BAIAP2: variants seen among roughly 807,000 people sequenced by gnomAD.
BAIAP2 encodes BAR/IMD domain containing adaptor protein 2, also known as BAR/IMD domain-containing adapter protein 2.
A neutral mutation model predicts 63.0 loss-of-function variants in BAIAP2; 18 were observed. That is an observed-to-expected ratio of 0.29 (90% CI 0.20 to 0.42). BAIAP2 has a LOEUF of 0.42. Among genes scored for constraint, BAIAP2 ranks in the 10% least tolerant of loss-of-function variants. BAIAP2 has a pLI of 1.00. For synonymous variants in BAIAP2, 386 were observed against 307.6 expected, an observed-to-expected ratio of 1.25 and a Z score of -2.67; for missense variants, 610 against 734.3, an observed-to-expected ratio of 0.83 and a Z score of 1.96.
chr17:81,116,219 T>G lies in BAIAP2; in HGVS notation c.*380T>G. On this transcript the variant is annotated 3_prime_UTR_variant, in exon 14 of 14. Transcript: ENST00000428708. ...TTCTCCTGCCTAATAAACAGGCTTC[T>G]CCTGCACCAGGTGTGATCTGTCCGC... 6.2e-7 allele frequency: 1 copy of G among 1,612,136 alleles called. No homozygotes were observed. The highest frequency in any genetic ancestry group is 1.3e-5 in the African/African-American group (1 of 75,034).
At chr17:81,111,749 C>T (rs933570028) in intron 13 of BAIAP2, among the ~76,000 whole-genome samples, 1 of 152,238 alleles carries the variant, frequency 6.6e-6, no homozygotes, top group East Asian at 1.9e-4. Context: ...AGGAGCAGGC[C>T]CTCTGCCCTC....
chr17:81,064,022 C>T (rs2051039955), intron 3 of BAIAP2, among the ~76,000 whole-genome samples: 1 of 152,226 alleles, frequency 6.6e-6, no homozygotes, highest in African/African-American at 2.4e-5. Flanking sequence ...CCCGGCCGAG[C>T]AGGGCCCCAG....
chr17:81,115,484 CGCCCT>C (rs769859338), intron 13 of BAIAP2, among the ~76,000 whole-genome samples: 20 of 145,846 alleles, frequency 1.4e-4, no homozygotes, highest in East Asian at 5.8e-4. Flanking sequence ...CGCCCCACCC[CGCCCT>C]GCCCTGCCCA....
At chr17:81,098,236 G>T in intron 6 of BAIAP2, 1 of 1,283,954 alleles carries the variant, frequency 7.8e-7, no homozygotes, top group South Asian at 2.4e-5. Flanking sequence ...GGCAGGCTGG[G>T]AGGCGCCTCT....
intron 13 of BAIAP2, chr17:81,110,652 C>T (rs1005080792): frequency 1.5e-6 from 2 of 1,350,526 alleles, no homozygotes; most frequent in African/African-American, 2.9e-5. Context: ...CGGTGCTGGC[C>T]CCAGTGACAG....
intron 3 of BAIAP2, among the ~76,000 whole-genome samples, chr17:81,069,783 C>T (rs562942098): frequency 1.1e-4 from 16 of 152,310 alleles, no homozygotes; most frequent in South Asian, 1.0e-3. Context: ...CAGCCTTCCT[C>T]GGTGGACACC....
Position 81,110,803 on chromosome 17 carries a change from T to C in BAIAP2, c.1535+2294T>C, listed in dbSNP as rs547139302. The C allele has an allele frequency of 1.1e-3, 1,547 of 1,409,734 alleles. 2 individuals carry two copies. Among genetic ancestry groups the C allele is most frequent in the Non-Finnish European group, 1.5e-3 (1,485 of 998,240 alleles). The allele number at this position is 1,409,734 out of a possible 1,614,324, so 87.3% of individuals were successfully genotyped here. On this transcript the variant is annotated intron_variant, in intron 13 of 13. Transcript: ENST00000428708. ...GCCCCAGCTGTGTGCCGACTCCGAG[T>C]GCTCCAGGGTTCTAGGTCTCCTGGC...
At chr17:81,087,149 G>C (rs571409931) in intron 6 of BAIAP2, 2 of 153,354 alleles carry the variant, frequency 1.3e-5, no homozygotes, top group Admixed American at 6.5e-5. Context: ...TCGCCCACTT[G>C]CTGGGGTCAT....
chr17:81,073,986 A>G (rs1352855540), intron 3 of BAIAP2, among the ~76,000 whole-genome samples: 1 of 152,214 alleles, frequency 6.6e-6, no homozygotes, highest in Non-Finnish European at 1.5e-5. Context: ...TTTTCCTAAA[A>G]TGAGAGAGAC....
At chr17:81,092,537 G>A (rs895311595) in intron 6 of BAIAP2, among the ~76,000 whole-genome samples, 2 of 151,922 alleles carry the variant, frequency 1.3e-5, no homozygotes, top group Non-Finnish European at 2.9e-5. Context: ...GGGGCCTCCT[G>A]TTGTTCAAGA....
chr17:81,098,442 T>C (rs551917154), intron 6 of BAIAP2, among the ~76,000 whole-genome samples: 2 of 151,898 alleles, frequency 1.3e-5, no homozygotes, highest in African/African-American at 4.8e-5. Flanking sequence ...TAAATTGTGA[T>C]AAAATACACG....
At chr17:81,112,556 G>A (rs559114587) in intron 13 of BAIAP2, among the ~76,000 whole-genome samples, 2 of 152,238 alleles carry the variant, frequency 1.3e-5, no homozygotes, top group Non-Finnish European at 1.5e-5. Flanking sequence ...ACTCGTCAGC[G>A]GAGGCCCAAG....
intron 7 of BAIAP2, 88 bp from the exon 8 acceptor site, chr17:81,103,414 A>T (rs2058748154): frequency 7.3e-6 from 9 of 1,227,820 alleles, no homozygotes; most frequent in East Asian, 2.6e-5. Context: ...AGCCCCAGAG[A>T]GTGCTCAGGG....
intron 1 of BAIAP2, among the ~76,000 whole-genome samples, chr17:81,038,055 G>A (rs964495271): frequency 2.0e-5 from 3 of 152,218 alleles, no homozygotes; most frequent in African/African-American, 4.8e-5. Flanking sequence ...GGGGCACTGC[G>A]TGGGCTGGGC....
At chr17:81,038,231 C>T (rs186500874) in intron 1 of BAIAP2, among the ~76,000 whole-genome samples, 5 of 152,366 alleles carry the variant, frequency 3.3e-5, no homozygotes, top group Admixed American at 2.6e-4. Context: ...AAGCTGCAGC[C>T]CTCTTGGGGA....
chr17:81,081,511 T>C (rs1434289088), intron 3 of BAIAP2, among the ~76,000 whole-genome samples: 1 of 152,082 alleles, frequency 6.6e-6, no homozygotes, highest in Non-Finnish European at 1.5e-5. Context: ...GTGGGGTCTG[T>C]GCTGCTGGCC....
Position 81,053,551 on chromosome 17 carries a change from T to G in BAIAP2, c.55-117T>G, listed in dbSNP as rs542701446. ...TTGGGAAGCCCACCTTGAGCATTTG[T>G]GGTGTCGACCCCCAGGAGGGGTGCC... On this transcript the variant is annotated intron_variant, in intron 1 of 13. Transcript: ENST00000428708. 1.1e-4 allele frequency: 108 copies of G among 1,027,504 alleles called. 3 individuals carry two copies. In the South Asian group the frequency reaches 1.3e-3, roughly 12 times the overall value. The allele number at this position is 1,027,504 out of a possible 1,614,324, so 63.6% of individuals were successfully genotyped here.
chr17:81,086,991 TTG>T (rs1311944132), intron 6 of BAIAP2: 1 of 182,006 alleles, frequency 5.5e-6, no homozygotes, highest in Non-Finnish European at 1.2e-5. Flanking sequence ...GGCTTCGGTG[TTG>T]TTTCTCTCAC....
intron 6 of BAIAP2, among the ~76,000 whole-genome samples, chr17:81,092,711 G>GCGT (rs1435685123): frequency 6.6e-6 from 1 of 152,112 alleles, no homozygotes; most frequent in African/African-American, 2.4e-5. Flanking sequence ...ACGGCCTTGG[G>GCGT]CAGCGGCACC....
Sources: gnomAD v4.1 joint callset for allele counts (sites outside exome capture counted in the v4.1 genomes callset) on GRCh38, gnomAD v4.1.1 for gene constraint, MANE v1.5 for transcripts, NCBI Gene and HGNC (gene_info 2026-07-23, HGNC 2026-07-21) for gene names.